The following RIMS2 variants were observed in gnomAD, a reference collection of about 807,000 sequenced individuals.
RIMS2 encodes the protein regulating synaptic membrane exocytosis 2.
Under a neutral mutation model 174.4 loss-of-function variants are expected in RIMS2, and 59 were observed. That is an observed-to-expected ratio of 0.34 (90% confidence interval 0.27 to 0.42). The LOEUF (loss-of-function observed/expected upper bound fraction) is 0.42, where lower values mean the gene tolerates loss of function less well. Ranked by LOEUF, RIMS2 falls within the 10% of genes least tolerant of loss-of-function variation. The probability of loss-of-function intolerance (pLI) is 1.00; values close to 1 mark genes in which losing one functional copy is unlikely to be tolerated. For missense variants in RIMS2, 1,620 were observed against 1,666.3 expected (o/e 0.97, Z 0.48); for synonymous variants, 606 against 572.5 (o/e 1.06, Z -0.84).
At chr8:103,546,084 G>A (rs1024813262) in intron 1 of RIMS2, among the ~76,000 whole-genome samples, 2 of 152,056 alleles carry the variant, frequency 1.3e-5, no homozygotes, top group South Asian at 4.1e-4. Flanking sequence ...AGGCACAGGG[G>A]GGCAAGCTGG....
chr8:103,656,888 C>A (rs1054625181), intron 1 of RIMS2, among the ~76,000 whole-genome samples: 6 of 152,102 alleles, frequency 3.9e-5, no homozygotes, highest in Non-Finnish European at 7.4e-5. Flanking sequence ...GAAGCCCCCA[C>A]AATTTTAAGG....
intron 19 of RIMS2, among the ~76,000 whole-genome samples, chr8:104,089,812 G>T (rs1352912284): frequency 6.6e-6 from 1 of 151,704 alleles, no homozygotes; most frequent in Admixed American, 6.6e-5. Flanking sequence ...TCTGCTATTT[G>T]CTAAGCATAT....
At chr8:104,100,319 C>T (rs1398313159) in intron 19 of RIMS2, among the ~76,000 whole-genome samples, 1 of 152,100 alleles carries the variant, frequency 6.6e-6, no homozygotes, top group Non-Finnish European at 1.5e-5. Flanking sequence ...TTGCTGTACT[C>T]ATTTTTTAGC....
intron 1 of RIMS2, among the ~76,000 whole-genome samples, chr8:103,671,656 C>G (rs2096745375): frequency 2.6e-5 from 4 of 152,152 alleles, no homozygotes; most frequent in Admixed American, 2.6e-4. Flanking sequence ...AAGCAGTTAA[C>G]TGTGGACAAG....
chr8:104,185,711 A>T (rs1257990509), intron 19 of RIMS2, among the ~76,000 whole-genome samples: 3 of 151,654 alleles, frequency 2.0e-5, no homozygotes, highest in Non-Finnish European at 4.4e-5. Flanking sequence ...CACCAGTCAG[A>T]ATTTCATTAA....
In RIMS2 at chr8:103,853,889, T is replaced by C. The variant is rs1389288065; in HGVS notation, c.699-31409T>C. 2.0e-5 allele frequency among the ~76,000 whole-genome samples: 3 copies of C among 152,096 alleles called. No homozygotes were observed. In the South Asian group the frequency reaches 6.2e-4, roughly 32 times the overall value. ...AGGCTCTTTTTTGATTCTATATGAA[T>C]TTTAGAACAGCTTTTTTTTTCTAAT... On this transcript the variant is annotated intron_variant, in intron 3 of 23. Coordinates refer to ENST00000504942, the Ensembl canonical transcript of RIMS2.
intron 1 of RIMS2, among the ~76,000 whole-genome samples, chr8:103,526,550 A>G (rs1242706089): frequency 2.0e-5 from 3 of 152,202 alleles, no homozygotes; most frequent in African/African-American, 7.2e-5. Flanking sequence ...TAAAAAATGA[A>G]TCTGTTTAGA....
intron 21 of RIMS2, among the ~76,000 whole-genome samples, chr8:104,249,025 C>G (rs572473569): frequency 8.6e-4 from 130 of 150,940 alleles, no homozygotes; most frequent in Non-Finnish European, 1.3e-3. Context: ...ACCACCTTGG[C>G]TCAAGAAATC....
chr8:104,153,076 ATT>A (rs2098699695), intron 19 of RIMS2, among the ~76,000 whole-genome samples: 1 of 152,180 alleles, frequency 6.6e-6, no homozygotes, highest in South Asian at 2.1e-4. Flanking sequence ...GTAAATAATA[ATT>A]GGCAAAGGAG....
intron 19 of RIMS2, among the ~76,000 whole-genome samples, chr8:104,047,326 C>G (rs774292010): frequency 1.3e-4 from 20 of 152,152 alleles, no homozygotes; most frequent in Admixed American, 8.5e-4. Flanking sequence ...CTATGCCTAT[C>G]ACCCACCTTA....
At chr8:103,688,373 T>G (rs1166445629) in intron 1 of RIMS2, among the ~76,000 whole-genome samples, 1 of 152,142 alleles carries the variant, frequency 6.6e-6, no homozygotes, top group African/African-American at 2.4e-5. Flanking sequence ...TGTACTTTGT[T>G]CTGTTAACGT....
At chr8:104,018,962 T>A (rs2096006389) in intron 19 of RIMS2, among the ~76,000 whole-genome samples, 1 of 152,144 alleles carries the variant, frequency 6.6e-6, no homozygotes, top group South Asian at 2.1e-4. Flanking sequence ...TACCATAATG[T>A]TTAATGTTCT....
intron 19 of RIMS2, among the ~76,000 whole-genome samples, chr8:104,074,638 A>G (rs1181626561): frequency 6.6e-6 from 1 of 152,206 alleles, no homozygotes; most frequent in Non-Finnish European, 1.5e-5. Context: ...ATCTAAAAGG[A>G]AAAATGAAAT....
intron 1 of RIMS2, among the ~76,000 whole-genome samples, chr8:103,616,299 G>A (rs1273361760): frequency 2.6e-5 from 4 of 152,084 alleles, no homozygotes; most frequent in Non-Finnish European, 5.9e-5. Context: ...TGCAGAAAAG[G>A]CTTTTGATAA....
chr8:103,997,173 A>G lies in RIMS2; in HGVS notation c.3044+7752A>G, dbSNP rs556861813. Among the ~76,000 whole-genome samples the G allele has an allele frequency of 5.9e-5, 9 of 152,000 alleles. 1 individual carries two copies. The East Asian group carries it at 9.7e-4, about 16-fold the overall frequency. On this transcript the variant is annotated intron_variant, in intron 17 of 23. Transcript: ENST00000504942. ...GTAGATATGTATTTTAAGATGTTCT[A>G]TGTTGAAAAGAAAATGAGCGAGATA...
At chr8:104,157,031 A>G (rs1470114865) in intron 19 of RIMS2, among the ~76,000 whole-genome samples, 3 of 152,206 alleles carry the variant, frequency 2.0e-5, no homozygotes, top group Admixed American at 2.0e-4. Flanking sequence ...GATTCTAACA[A>G]TGTGCCTTTA....
chr8:104,043,275 G>A (rs1006108904), intron 19 of RIMS2, among the ~76,000 whole-genome samples: 4 of 151,476 alleles, frequency 2.6e-5, no homozygotes, highest in Non-Finnish European at 4.4e-5. Context: ...AGAATACCAT[G>A]GGAAATAAGA....
chr8:104,036,642 G>A (rs969339822), intron 19 of RIMS2, among the ~76,000 whole-genome samples: 2 of 151,900 alleles, frequency 1.3e-5, no homozygotes, highest in Admixed American at 1.3e-4. Context: ...ACTTTAGGAG[G>A]CCGAGGTGGG....
rs534495815 is a variant in RIMS2, at chr8:104,104,390, A to G, written c.3334+89775A>G. Among the ~76,000 whole-genome samples the G allele has an allele frequency of 7.3e-4, 111 of 152,310 alleles. 1 individual carries two copies. Among genetic ancestry groups the G allele is most frequent in the Middle Eastern group, 3.4e-3 (1 of 294 alleles). Reference sequence around the variant, plus strand: ...AGTGTAGAAACAGTTAAGTCACACTATAGCATTTATTGAGGAGTGGGAGTT... The same window carrying G: ...AGTGTAGAAACAGTTAAGTCACACTGTAGCATTTATTGAGGAGTGGGAGTT... On this transcript the variant is annotated intron_variant, in intron 19 of 23. Coordinates refer to ENST00000504942, the Ensembl canonical transcript of RIMS2.
Sources: gnomAD v4.1 joint callset for allele counts (sites outside exome capture counted in the v4.1 genomes callset) on GRCh38, gnomAD v4.1.1 for gene constraint, MANE v1.5 for transcripts, NCBI Gene and HGNC (gene_info 2026-07-23, HGNC 2026-07-21) for gene names.